FAAH2: variants seen among roughly 807,000 people sequenced by gnomAD.
FAAH2 encodes the protein fatty-acid amide hydrolase 2.
A neutral mutation model predicts 36.9 loss-of-function variants in FAAH2; 60 were observed. The observed-to-expected ratio is 1.63, with a 90% CI of 1.32 to 2.02. FAAH2 has a LOEUF of 2.02. Among genes scored for constraint, FAAH2 ranks in the 30% most tolerant of loss-of-function variants. FAAH2 has a pLI of 0.00. For missense variants in FAAH2, 689 were observed against 397.5 expected, an observed-to-expected ratio of 1.73 and a Z score of -6.23; for synonymous variants, 214 against 143.8, an observed-to-expected ratio of 1.49 and a Z score of -3.49.
chrX:57,432,134 C>T, intron 8 of FAAH2, 97 bp downstream of exon 8: 1 of 768,297 alleles, frequency 1.3e-6, no homozygotes, highest in Non-Finnish European at 1.8e-6. Flanking sequence ...AGAAAAGAAA[C>T]TCATGAAAAA....
At chrX:57,152,108 C>A in the FAAH2 span, among the ~76,000 whole-genome samples, 1 of 111,814 alleles carries the variant, frequency 8.9e-6, no homozygotes, top group African/African-American at 3.3e-5. Flanking sequence ...GCAAATGCTG[C>A]TGCCTGATCA....
the FAAH2 span, among the ~76,000 whole-genome samples, chrX:57,159,359 T>G: frequency 8.9e-6 from 1 of 111,966 alleles, no homozygotes; most frequent in African/African-American, 3.3e-5. Flanking sequence ...TAAAGTAGTT[T>G]TTTCCAATTC....
chrX:57,373,321 GC>G (rs1445806070), intron 5 of FAAH2, among the ~76,000 whole-genome samples: 4 of 110,756 alleles, frequency 3.6e-5, no homozygotes, highest in African/African-American at 1.3e-4. Context: ...TTCCATAGTG[GC>G]TGTACTAGTT....
the FAAH2 span, among the ~76,000 whole-genome samples, chrX:57,237,240 G>A: frequency 1.2e-4 from 13 of 111,391 alleles, no homozygotes; most frequent in Admixed American, 9.6e-4. Context: ...CAAGTACCAT[G>A]CCGTTTTGGT....
At chrX:57,322,603 G>A (rs182883814) in intron 3 of FAAH2, among the ~76,000 whole-genome samples, 1 of 111,023 alleles carries the variant, frequency 9.0e-6, no homozygotes, top group East Asian at 2.8e-4. Flanking sequence ...TTTCTAATTT[G>A]CCTTCTTTCT....
chrX:57,379,416 A>G lies in FAAH2; in HGVS notation c.878+630A>G, dbSNP rs778814323. On this transcript the variant is annotated intron_variant, in intron 6 of 10. Coordinates refer to ENST00000374900, the MANE Select transcript of FAAH2 (RefSeq NM_174912.4). ...AAATATCTTTCCATTTTGCTTTAGC[A>G]TATAAGTAGTTTCAGTTATGCTCTT... is the stretch of plus-strand genomic sequence containing the variant. 5.6e-3 allele frequency among the ~76,000 whole-genome samples: 616 copies of G among 110,683 alleles called. 2 individuals carry two copies. Among genetic ancestry groups the G allele is most frequent in the Non-Finnish European group, 8.7e-3 (458 of 52,888 alleles).
intron 7 of FAAH2, among the ~76,000 whole-genome samples, chrX:57,419,722 A>C (rs1391025841): frequency 8.9e-6 from 1 of 111,805 alleles, no homozygotes; most frequent in African/African-American, 3.3e-5. Context: ...CTTGAGTTTA[A>C]TTAGATCCCA....
the FAAH2 span, among the ~76,000 whole-genome samples, chrX:57,190,410 T>TTGTCTCG: frequency 9.5e-6 from 1 of 105,686 alleles, no homozygotes; most frequent in South Asian, 4.6e-4. Context: ...GCAAACAGTT[T>TTGTCTCG]TGTCTCGCTT....
At chrX:57,484,487 T>C (rs1276851847) in intron 10 of FAAH2, among the ~76,000 whole-genome samples, 1 of 111,663 alleles carries the variant, frequency 9.0e-6, no homozygotes, top group East Asian at 2.8e-4. Flanking sequence ...GTTGTAGGGC[T>C]CATCATGTAC....
chrX:57,303,934 C>T (rs1314373896), intron 2 of FAAH2, among the ~76,000 whole-genome samples: 5 of 111,860 alleles, frequency 4.5e-5, no homozygotes, highest in Admixed American at 1.9e-4. Flanking sequence ...TGGCTGGGCG[C>T]GGTGGCTCAC....
chrX:57,213,286 G>A, the FAAH2 span, among the ~76,000 whole-genome samples: 1 of 110,947 alleles, frequency 9.0e-6, no homozygotes, highest in Non-Finnish European at 1.9e-5. Context: ...AAATCATTTG[G>A]TTTCATTGAT....
At chrX:57,244,390 A>G in the FAAH2 span, among the ~76,000 whole-genome samples, 2 of 111,029 alleles carry the variant, frequency 1.8e-5, no homozygotes, top group African/African-American at 6.6e-5. Flanking sequence ...CAGGAAATGC[A>G]GAGAACACCA....
intron 10 of FAAH2, among the ~76,000 whole-genome samples, chrX:57,487,497 A>C (rs1245803549): frequency 1.8e-5 from 2 of 111,920 alleles, no homozygotes; most frequent in African/African-American, 6.5e-5. Context: ...AAGAAAACAT[A>C]CTAATTGCCC....
the FAAH2 span, among the ~76,000 whole-genome samples, chrX:57,194,307 C>T: frequency 9.0e-6 from 1 of 111,131 alleles, no homozygotes; most frequent in Non-Finnish European, 1.9e-5. Flanking sequence ...CAATTTATGG[C>T]ATATAATTAC....
intron 10 of FAAH2, among the ~76,000 whole-genome samples, chrX:57,462,110 A>G (rs1207748880): frequency 2.1e-5 from 2 of 96,663 alleles, no homozygotes; most frequent in African/African-American, 3.6e-5. Context: ...AGGAAGTCAC[A>G]TCCCTGAATA....
intron 7 of FAAH2, among the ~76,000 whole-genome samples, chrX:57,413,153 T>C (rs887792567): frequency 8.9e-6 from 1 of 111,804 alleles, no homozygotes; most frequent in African/African-American, 3.2e-5. Context: ...ATTGCAAAAA[T>C]TTTCTCCTAT....
intron 7 of FAAH2, among the ~76,000 whole-genome samples, chrX:57,418,956 G>C (rs907496653): frequency 1.5e-4 from 15 of 100,180 alleles, no homozygotes; most frequent in African/African-American, 5.6e-4. Flanking sequence ...CTATGAGTGA[G>C]AACATGCGGT....
chrX:57,144,571 A>G, the FAAH2 span, among the ~76,000 whole-genome samples: 6,445 of 108,653 alleles, frequency 0.059, 221 homozygotes, highest in Non-Finnish European at 0.083. Context: ...ATTTGGTTAC[A>G]TGAGTAAGTT....
intron 1 of FAAH2, among the ~76,000 whole-genome samples, chrX:57,288,642 G>T (rs760007064): frequency 9.1e-6 from 1 of 110,395 alleles, no homozygotes; most frequent in Non-Finnish European, 1.9e-5. Flanking sequence ...GAGCCACTGC[G>T]CCCGGCCTTA....
Sources: gnomAD v4.1 joint callset for allele counts (sites outside exome capture counted in the v4.1 genomes callset) on GRCh38, gnomAD v4.1.1 for gene constraint, MANE v1.5 for transcripts, NCBI Gene and HGNC (gene_info 2026-07-23, HGNC 2026-07-21) for gene names.